The following EYS variants were observed in gnomAD, a reference collection of about 807,000 sequenced individuals.
The protein encoded by EYS is EGF-like photoreceptor maintenance factor.
A neutral mutation model predicts 282.1 loss-of-function variants in EYS; 250 were observed. That is an observed-to-expected ratio of 0.89 (90% CI 0.80 to 0.98). EYS has a LOEUF of 0.98. Ranked by LOEUF, EYS falls within the 50% of genes least tolerant of loss-of-function variation. EYS has a pLI of 0.00. For synonymous variants in EYS, 1,355 were observed against 1,282.9 expected (o/e 1.06, Z -1.20); for missense variants, 4,016 against 3,709.0 (o/e 1.08, Z -2.15).
chr6:64,618,963 C>T (rs1274531509), intron 23 of EYS, among the ~76,000 whole-genome samples: 2 of 152,108 alleles, frequency 1.3e-5, no homozygotes, highest in Admixed American at 6.6e-5. Flanking sequence ...CTGATAAATG[C>T]TCTTATAAAA....
intron 39 of EYS, among the ~76,000 whole-genome samples, 167 bp downstream of exon 39, chr6:63,787,938 T>TA (rs923750609): frequency 4.2e-4 from 62 of 149,028 alleles, no homozygotes; most frequent in Middle Eastern, 7.0e-3. Flanking sequence ...AAACTCCATC[T>TA]AAAAAAAAAA....
chr6:64,464,619 T>C (rs1775857127), intron 26 of EYS, among the ~76,000 whole-genome samples: 1 of 151,992 alleles, frequency 6.6e-6, no homozygotes, highest in African/African-American at 2.4e-5. Context: ...TCAACAAAAA[T>C]TGGTAATGTC....
chr6:65,264,666 T>A (rs999959460), intron 12 of EYS, among the ~76,000 whole-genome samples: 2 of 152,020 alleles, frequency 1.3e-5, no homozygotes, highest in Non-Finnish European at 2.9e-5. Flanking sequence ...TCCTTTAGGT[T>A]ACTGGTTGTT....
chr6:65,222,877 C>A (rs1562032075), intron 12 of EYS, among the ~76,000 whole-genome samples: 1 of 152,084 alleles, frequency 6.6e-6, no homozygotes, highest in African/African-American at 2.4e-5. Flanking sequence ...TAAAAACGGT[C>A]AGTTTGTCTG....
chr6:63,954,214 C>T (rs1039235808), intron 35 of EYS, among the ~76,000 whole-genome samples: 3 of 152,196 alleles, frequency 2.0e-5, no homozygotes, highest in Non-Finnish European at 4.4e-5. Flanking sequence ...TCCTTTTCCT[C>T]ACCCTGATCA....
At chr6:64,058,738 T>C (rs1048856171) in intron 33 of EYS, among the ~76,000 whole-genome samples, 1 of 152,206 alleles carries the variant, frequency 6.6e-6, no homozygotes, top group Non-Finnish European at 1.5e-5. Flanking sequence ...TACTTTCTTA[T>C]AACTGTCAAA....
chr6:64,154,440 CAAA>C (rs397819570), intron 31 of EYS, among the ~76,000 whole-genome samples: 7 of 59,494 alleles, frequency 1.2e-4, no homozygotes, highest in African/African-American at 2.5e-4. Context: ...AACTCCGTCT[CAAA>C]AAAAAAAAAA....
intron 31 of EYS, among the ~76,000 whole-genome samples, chr6:64,084,730 C>T (rs1772087259): frequency 6.6e-6 from 1 of 152,090 alleles, no homozygotes; most frequent in South Asian, 2.1e-4. Context: ...TCAAAGGCAA[C>T]AGAGAAATAA....
intron 28 of EYS, among the ~76,000 whole-genome samples, chr6:64,419,097 C>G (rs781511004): frequency 7.2e-5 from 11 of 152,140 alleles, no homozygotes; most frequent in Non-Finnish European, 1.6e-4. Flanking sequence ...AAAATTTCAT[C>G]CTGGCTAGTT....
chr6:64,355,950 A>C (rs1265524983), intron 29 of EYS, among the ~76,000 whole-genome samples: 1 of 151,616 alleles, frequency 6.6e-6, no homozygotes, highest in Non-Finnish European at 1.5e-5. Flanking sequence ...GATGCCAGGC[A>C]CTCTGCAAAT....
chr6:64,039,956 A>G (rs777333762), intron 33 of EYS, among the ~76,000 whole-genome samples: 11 of 152,180 alleles, frequency 7.2e-5, no homozygotes, highest in Non-Finnish European at 1.6e-4. Context: ...ATACTTAAAT[A>G]TGTTCTTAGA....
rs147321063 is a variant in EYS, at chr6:65,580,459, G to C, written c.-333+59319C>G. Among the ~76,000 whole-genome samples the C allele has an allele frequency of 3.9e-5, 6 of 152,192 alleles. No homozygotes were observed. The East Asian group carries it at 9.7e-4, about 24-fold the overall frequency. On this transcript the variant is annotated intron_variant, in intron 2 of 42. Coordinates refer to ENST00000503581, the MANE Select transcript of EYS (RefSeq NM_001142800.2). ...GACAACAAATTACAAAAGTAATTGA[G>C]AGACTAAGAAGATTTAGGACAATAA... is the stretch of plus-strand genomic sequence containing the variant.
chr6:64,227,800 C>T (rs1165720162), intron 31 of EYS, among the ~76,000 whole-genome samples: 1 of 151,988 alleles, frequency 6.6e-6, no homozygotes, highest in Non-Finnish European at 1.5e-5. Flanking sequence ...TTTCATGGCA[C>T]TCTGTCTGTA....
intron 13 of EYS, among the ~76,000 whole-genome samples, chr6:65,046,795 T>C (rs1248497730): frequency 6.6e-6 from 1 of 151,924 alleles, no homozygotes; most frequent in Non-Finnish European, 1.5e-5. Flanking sequence ...AAAACTCTTG[T>C]TGAATTCTCA....
chr6:64,228,262 A>G (rs1582454902), intron 31 of EYS, among the ~76,000 whole-genome samples: 1 of 152,338 alleles, frequency 6.6e-6, no homozygotes, highest in East Asian at 1.9e-4. Context: ...GGTTAAAAAT[A>G]AATATTCATC....
chr6:65,449,677 G>T (rs1455506080), intron 5 of EYS, among the ~76,000 whole-genome samples: 1 of 152,000 alleles, frequency 6.6e-6, no homozygotes, highest in Admixed American at 6.6e-5. Context: ...TCATTTTAAA[G>T]CAAAGGCAAG....
At chr6:64,026,988 C>T (rs1347377163) in intron 33 of EYS, among the ~76,000 whole-genome samples, 1 of 152,218 alleles carries the variant, frequency 6.6e-6, no homozygotes, top group African/African-American at 2.4e-5. Context: ...AGAGAGATGT[C>T]ACGCTACCGT....
At chr6:64,807,790 ACT>A (rs1183066818) in intron 22 of EYS, among the ~76,000 whole-genome samples, 1 of 152,166 alleles carries the variant, frequency 6.6e-6, no homozygotes, top group African/African-American at 2.4e-5. Context: ...CATCTAAGTA[ACT>A]GTTTATCTAA....
At chr6:65,523,313 TAGAG>T (rs1027237686) in intron 2 of EYS, among the ~76,000 whole-genome samples, 5 of 151,842 alleles carry the variant, frequency 3.3e-5, no homozygotes, top group Non-Finnish European at 7.4e-5. Context: ...CACACAAACA[TAGAG>T]AGACAGACAG....
Sources: allele counts gnomAD v4.1 joint callset (sites outside exome capture counted in the v4.1 genomes callset), GRCh38; gene constraint gnomAD v4.1.1; transcripts MANE v1.5; gene names NCBI Gene and HGNC (gene_info 2026-07-23, HGNC 2026-07-21).